EFEMP1: variants seen among roughly 807,000 people sequenced by gnomAD.
EFEMP1 encodes the protein EGF-like fibulin extracellular matrix protein 1.
Under a neutral mutation model 65.7 loss-of-function variants are expected in EFEMP1, and 18 were observed. The observed-to-expected ratio is 0.27, with a 90% CI of 0.19 to 0.41. The LOEUF is 0.41. Ranked by LOEUF, EFEMP1 falls within the 10% of genes least tolerant of loss-of-function variation. EFEMP1 has a pLI of 1.00. For synonymous variants in EFEMP1, 237 were observed against 219.7 expected (o/e 1.08, Z -0.70); for missense variants, 469 against 624.8 (o/e 0.75, Z 2.66).
At chr2:55,908,927 C>T (rs1670381564) in intron 5 of EFEMP1, among the ~76,000 whole-genome samples, 1 of 152,048 alleles carries the variant, frequency 6.6e-6, no homozygotes, top group South Asian at 2.1e-4. Flanking sequence ...ACTAGTCTTC[C>T]TCTAGGAATA....
chr2:55,917,576 G>T lies in EFEMP1; in HGVS notation c.517+89C>A. 6.5e-7 allele frequency: 1 copy of T among 1,544,458 alleles called. No homozygotes were observed. The highest frequency in any genetic ancestry group is 8.9e-7 in the Non-Finnish European group (1 of 1,117,386). ...GCACTTAGCATGATGTCTGGCACGC[G>T]AGAAGTCCTTAATAAATTATCATCA... On this transcript the variant is annotated intron_variant, in intron 5 of 11. Coordinates refer to ENST00000355426, the MANE Select transcript of EFEMP1 (RefSeq NM_001039348.3). This position sits in a 1 kb window ranked among gnomAD's most constrained non-coding sequence, Gnocchi z 6.3.
intron 5 of EFEMP1, among the ~76,000 whole-genome samples, chr2:55,916,345 G>C (rs928380230): frequency 2.0e-5 from 3 of 152,120 alleles, no homozygotes; most frequent in Non-Finnish European, 2.9e-5. Flanking sequence ...CCCGACCTCA[G>C]GTGATCCACC....
intron 5 of EFEMP1, among the ~76,000 whole-genome samples, chr2:55,901,291 G>T (rs1308196900): frequency 6.6e-6 from 1 of 152,182 alleles, no homozygotes; most frequent in Non-Finnish European, 1.5e-5. Flanking sequence ...ATGTTAATCA[G>T]CAATAAAGAG....
intron 5 of EFEMP1, 99 bp from the exon 6 acceptor site, chr2:55,881,833 T>G (rs1669254930): frequency 1.4e-6 from 2 of 1,380,756 alleles, no homozygotes; most frequent in African/African-American, 1.4e-5. Context: ...ACTTTATTCT[T>G]AAAAGTTTAT....
At position 55,871,731 on chromosome 2, in the gene EFEMP1, AG is replaced by A. The variant is rs1170155170; in HGVS notation, c.1001-609del. Among the ~76,000 whole-genome samples, 1 of 152,112 alleles carries A rather than the reference AG, an allele frequency of 6.6e-6. No homozygotes were observed. Among genetic ancestry groups the A allele is most frequent in the Non-Finnish European group, 1.5e-5 (1 of 68,004 alleles). On this transcript the variant is annotated intron_variant, in intron 9 of 11. Coordinates refer to ENST00000355426, the MANE Select transcript of EFEMP1 (RefSeq NM_001039348.3). This position sits in a 1 kb window ranked among gnomAD's most constrained non-coding sequence, Gnocchi z 4.2. ...TTTCAGGAACTTGGGAGAAAGGTAA[AG>A]GCTAGAAATCTGGTTTCAGTAAGCT...
chr2:55,876,292 T>A (rs1669033369), intron 8 of EFEMP1, among the ~76,000 whole-genome samples: 1 of 152,152 alleles, frequency 6.6e-6, no homozygotes, highest in South Asian at 2.1e-4. Flanking sequence ...GAGGTCTGGG[T>A]TGCAGCCTGA....
At chr2:55,879,584 A>G (rs1290716408) in intron 6 of EFEMP1, among the ~76,000 whole-genome samples, 3 of 152,182 alleles carry the variant, frequency 2.0e-5, no homozygotes, top group Non-Finnish European at 4.4e-5. Flanking sequence ...CAAGTTTATA[A>G]TGATAATCAG....
At chr2:55,906,838 T>C (rs1256001507) in intron 5 of EFEMP1, among the ~76,000 whole-genome samples, 3 of 152,186 alleles carry the variant, frequency 2.0e-5, no homozygotes, top group African/African-American at 7.2e-5. Flanking sequence ...AAAATGTCAA[T>C]TTTGCCAAAA....
rs1263747433 is a variant in EFEMP1, at chr2:55,886,529, C to T, written c.518-4795G>A. Among the ~76,000 whole-genome samples, 1 of 152,146 alleles carries T rather than the reference C, an allele frequency of 6.6e-6. No homozygotes were observed. Among genetic ancestry groups the T allele is most frequent in the Non-Finnish European group, 1.5e-5 (1 of 68,022 alleles). Reference sequence around the variant, plus strand: ...TTCCTCAATCAAACTGATTTAATCTCATAAATGGAGTAAAGTAGAAAAATG... The same window carrying T: ...TTCCTCAATCAAACTGATTTAATCTTATAAATGGAGTAAAGTAGAAAAATG... On this transcript the variant is annotated intron_variant, in intron 5 of 11. Transcript: ENST00000355426. The surrounding 1 kb of genome is among the most constrained non-coding windows in gnomAD (Gnocchi z 4.0).
intron 5 of EFEMP1, among the ~76,000 whole-genome samples, chr2:55,900,387 A>G (rs1669986069): frequency 6.7e-6 from 1 of 148,222 alleles, no homozygotes. Flanking sequence ...GTTGGCCTCT[A>G]CCTGGCTGTG....
At chr2:55,905,550 C>T (rs1395341915) in intron 5 of EFEMP1, among the ~76,000 whole-genome samples, 21 of 152,086 alleles carry the variant, frequency 1.4e-4, no homozygotes, top group Non-Finnish European at 2.6e-4. Flanking sequence ...CGGCTTCAAG[C>T]GATTCTCCTG....
At chr2:55,905,419 T>G (rs956207851) in intron 5 of EFEMP1, among the ~76,000 whole-genome samples, 2 of 152,218 alleles carry the variant, frequency 1.3e-5, no homozygotes, top group Non-Finnish European at 2.9e-5. Context: ...TGTTCCTGAC[T>G]TTGATACTGT....
rs776007377 is a variant in EFEMP1 at position 55,877,077 on chromosome 2, TTTG to T, written c.761-338_761-336del. On this transcript the variant is annotated intron_variant, in intron 7 of 11. Transcript: ENST00000355426. This position sits in a 1 kb window ranked among gnomAD's most constrained non-coding sequence, Gnocchi z 4.5. ...ATATACACTCCGGTATCGATTTTCT[TTTG>T]TTGTTCAGATACAAAATGCCAATTC... Among the ~76,000 whole-genome samples, 6 of 152,154 alleles carry T rather than the reference TTTG, an allele frequency of 3.9e-5. No homozygotes were observed. Among genetic ancestry groups the T allele is most frequent in the Non-Finnish European group, 8.8e-5 (6 of 68,016 alleles).
At chr2:55,889,142 T>C (rs1287989494) in intron 5 of EFEMP1, among the ~76,000 whole-genome samples, 1 of 152,214 alleles carries the variant, frequency 6.6e-6, no homozygotes, top group Non-Finnish European at 1.5e-5. Flanking sequence ...CCTGGCTTAT[T>C]CCTTCAGGCA....
At chr2:55,897,211 C>CT (rs1669862144) in intron 5 of EFEMP1, among the ~76,000 whole-genome samples, 2 of 152,168 alleles carry the variant, frequency 1.3e-5, no homozygotes, top group Non-Finnish European at 2.9e-5. Flanking sequence ...TCAGCACCCA[C>CT]TATGCTTTGC....
chr2:55,893,789 T>G (rs1482883045), intron 5 of EFEMP1, among the ~76,000 whole-genome samples: 1 of 152,200 alleles, frequency 6.6e-6, no homozygotes, highest in Non-Finnish European at 1.5e-5. Context: ...TTCTATATAC[T>G]TTCACATTAT....
Position 55,883,333 on chromosome 2 carries a change from A to G in EFEMP1, c.518-1599T>C, listed in dbSNP as rs1037410318. 3.9e-5 allele frequency among the ~76,000 whole-genome samples: 6 copies of G among 152,144 alleles called. No homozygotes were observed. The highest frequency in any genetic ancestry group is 8.8e-5 in the Non-Finnish European group (6 of 68,024). On this transcript the variant is annotated intron_variant, in intron 5 of 11. Transcript: ENST00000355426. The surrounding 1 kb of genome is among the most constrained non-coding windows in gnomAD (Gnocchi z 4.5). The stretch of plus-strand genomic sequence containing the variant: ...AACTGTCCTTTTTAGGTACTATGCG[A>G]TGGTGCAACAATCCTGCTTTGAAAT...
chr2:55,893,008 C>T (rs948827280), intron 5 of EFEMP1, among the ~76,000 whole-genome samples: 7 of 151,986 alleles, frequency 4.6e-5, no homozygotes, highest in Non-Finnish European at 8.8e-5. Flanking sequence ...ATTTTTTCCC[C>T]TAGAAATGTA....
At position 55,870,326 on chromosome 2, in the gene EFEMP1, C is replaced by T. The variant is rs527929696; in HGVS notation, c.1320+394G>A. 6.9e-6 allele frequency among the ~76,000 whole-genome samples: 1 copy of T among 145,568 alleles called. No individual in the cohort carries two copies. Among genetic ancestry groups the T allele is most frequent in the African/African-American group, 2.6e-5 (1 of 38,816 alleles). On this transcript the variant is annotated intron_variant, in intron 11 of 11. Transcript: ENST00000355426. This position sits in a 1 kb window ranked among gnomAD's most constrained non-coding sequence, Gnocchi z 5.8. ...TGTATGTCTATGTATAATTAATTAA[C>T]CATCAATGATTAGTGATACCTACTT...
Sources: gnomAD v4.1 joint callset for allele counts (sites outside exome capture counted in the v4.1 genomes callset) on GRCh38, gnomAD v4.1.1 for gene constraint, Gnocchi (gnomAD v3.1) non-coding constraint, MANE v1.5 for transcripts, NCBI Gene and HGNC (gene_info 2026-07-23, HGNC 2026-07-21) for gene names.